Variants in MBD5 observed in about 807,000 individuals in gnomAD.
MBD5 encodes the protein methyl-CpG binding domain protein 5, also known as methyl-CpG-binding domain protein 5.
A neutral mutation model predicts 117.3 loss-of-function variants in MBD5; 13 were observed. That is an observed-to-expected ratio of 0.11 (90% CI 0.07 to 0.18). The LOEUF is 0.18. Among genes scored for constraint, MBD5 ranks in the 10% least tolerant of loss-of-function variants. The pLI is 1.00. For synonymous variants in MBD5, 727 were observed against 766.4 expected, an observed-to-expected ratio of 0.95 and a Z score of 0.85; for missense variants, 1,879 against 2,093.8, an observed-to-expected ratio of 0.90 and a Z score of 2.00.
intron 3 of MBD5, among the ~76,000 whole-genome samples, chr2:148,287,727 G>A (rs1701396514): frequency 6.6e-6 from 1 of 152,140 alleles, no homozygotes; most frequent in African/African-American, 2.4e-5. Flanking sequence ...GAGCAATAGA[G>A]CATGTGTATA....
At chr2:148,274,104 T>C (rs1559000576) in intron 3 of MBD5, among the ~76,000 whole-genome samples, 1 of 152,200 alleles carries the variant, frequency 6.6e-6, no homozygotes, top group Non-Finnish European at 1.5e-5. Flanking sequence ...CTACTAGTGC[T>C]TCATTTCTCT....
At chr2:148,479,723 T>G (rs929021264) in intron 8 of MBD5, among the ~76,000 whole-genome samples, 4 of 150,902 alleles carry the variant, frequency 2.7e-5, no homozygotes, top group Admixed American at 6.6e-5. Flanking sequence ...CTTTGTTGTT[T>G]TTTTTTTTTT....
At chr2:148,388,023 G>C (rs1408257663) in intron 4 of MBD5, among the ~76,000 whole-genome samples, 2 of 152,168 alleles carry the variant, frequency 1.3e-5, no homozygotes, top group African/African-American at 2.4e-5. Context: ...GAATAGCCAA[G>C]AGACGAGGGA....
intron 1 of MBD5, among the ~76,000 whole-genome samples, chr2:148,048,029 T>C (rs929538413): frequency 6.6e-6 from 1 of 152,220 alleles, no homozygotes; most frequent in Non-Finnish European, 1.5e-5. Context: ...AATCCTCTTA[T>C]ATCAATTTAT....
At chr2:148,386,423 A>C (rs902864200) in intron 4 of MBD5, among the ~76,000 whole-genome samples, 6 of 152,174 alleles carry the variant, frequency 3.9e-5, no homozygotes, top group African/African-American at 1.4e-4. Context: ...AAAGATAAGA[A>C]GATACTTTAT....
chr2:148,307,435 T>C (rs978551682), intron 3 of MBD5, among the ~76,000 whole-genome samples: 3 of 152,166 alleles, frequency 2.0e-5, no homozygotes, highest in African/African-American at 7.2e-5. Flanking sequence ...ATTCAGTTTT[T>C]ATCATACTCT....
intron 4 of MBD5, among the ~76,000 whole-genome samples, chr2:148,406,415 A>G (rs957606443): frequency 6.6e-6 from 1 of 152,182 alleles, no homozygotes; most frequent in Non-Finnish European, 1.5e-5. Context: ...ACAGCTATGA[A>G]GAAGGCATCC....
intron 1 of MBD5, among the ~76,000 whole-genome samples, chr2:148,170,948 A>C (rs1464210051): frequency 6.6e-6 from 1 of 152,218 alleles, no homozygotes; most frequent in African/African-American, 2.4e-5. Context: ...AGAAACAGAA[A>C]ATCTAAAAAT....
chr2:148,427,069 C>T (rs1705817417), intron 4 of MBD5, among the ~76,000 whole-genome samples: 1 of 152,144 alleles, frequency 6.6e-6, no homozygotes, highest in Non-Finnish European at 1.5e-5. Context: ...CATCACTGGC[C>T]ATCAGAGAAA....
intron 2 of MBD5, among the ~76,000 whole-genome samples, chr2:148,227,703 G>T (rs1373522240): frequency 6.6e-6 from 1 of 152,134 alleles, no homozygotes; most frequent in East Asian, 1.9e-4. Flanking sequence ...ATTACCTTGG[G>T]CAGTGTGGCC....
intron 3 of MBD5, among the ~76,000 whole-genome samples, chr2:148,234,385 TTTAAA>T (rs1450950226): frequency 6.6e-6 from 1 of 152,160 alleles, no homozygotes; most frequent in East Asian, 1.9e-4. Flanking sequence ...ATGATAAATG[TTTAAA>T]AAGCCCAGTG....
intron 3 of MBD5, among the ~76,000 whole-genome samples, chr2:148,295,238 T>G (rs954314512): frequency 6.6e-6 from 1 of 152,210 alleles, no homozygotes; most frequent in Admixed American, 6.5e-5. Flanking sequence ...ACTACATTCT[T>G]TTTTCTCTGT....
chr2:148,230,498 C>T (rs1020518122), intron 2 of MBD5, among the ~76,000 whole-genome samples: 1 of 152,092 alleles, frequency 6.6e-6, no homozygotes, highest in East Asian at 1.9e-4. Context: ...ATAGCCAAGT[C>T]CTGGAACCTG....
chr2:148,408,072 G>T (rs943915858), intron 4 of MBD5, among the ~76,000 whole-genome samples: 1 of 151,654 alleles, frequency 6.6e-6, no homozygotes, highest in Non-Finnish European at 1.5e-5. Context: ...TTCATCTTGA[G>T]AATTATAAAA....
intron 1 of MBD5, among the ~76,000 whole-genome samples, chr2:148,023,323 A>G (rs1015197154): frequency 1.3e-5 from 2 of 152,204 alleles, no homozygotes; most frequent in Non-Finnish European, 2.9e-5. Context: ...GCTAAAACAT[A>G]TATTTTAGTG....
intron 4 of MBD5, among the ~76,000 whole-genome samples, chr2:148,382,409 G>C (rs374500235): frequency 2.0e-5 from 3 of 152,072 alleles, no homozygotes; most frequent in East Asian, 1.9e-4. Flanking sequence ...AACTAACTAT[G>C]CTAAATATAT....
chr2:148,455,419 T>TA (rs1706852280), intron 4 of MBD5, among the ~76,000 whole-genome samples: 1 of 152,092 alleles, frequency 6.6e-6, no homozygotes, highest in Non-Finnish European at 1.5e-5. Flanking sequence ...GCATCAAACT[T>TA]CGAACAGGCA....
chr2:148,057,188 G>A (rs1280036070), intron 1 of MBD5, among the ~76,000 whole-genome samples: 1 of 151,624 alleles, frequency 6.6e-6, no homozygotes, highest in Non-Finnish European at 1.5e-5. Flanking sequence ...TTTCTATTGT[G>A]TGCTATTTAC....
intron 4 of MBD5, among the ~76,000 whole-genome samples, chr2:148,428,151 C>A (rs914107126): frequency 3.9e-5 from 6 of 152,046 alleles, no homozygotes; most frequent in Admixed American, 1.3e-4. Context: ...GCAAAGTCTC[C>A]GGATACAAAA....
Sources: allele counts gnomAD v4.1 joint callset (sites outside exome capture counted in the v4.1 genomes callset), GRCh38; gene constraint gnomAD v4.1.1; transcripts MANE v1.5; gene names NCBI Gene and HGNC (gene_info 2026-07-23, HGNC 2026-07-21).